GATA4: variants seen among roughly 807,000 people sequenced by gnomAD.
The protein encoded by GATA4 is GATA binding protein 4, also known as transcription factor GATA-4.
In GATA4, 7 loss-of-function variants were observed where a neutral mutation model predicts 37.9. That is an observed-to-expected ratio of 0.18 (90% confidence interval 0.11 to 0.35). GATA4 has a LOEUF of 0.35. Among genes scored for constraint, GATA4 ranks in the 10% least tolerant of loss-of-function variants. The pLI is 1.00. For missense variants in GATA4, 647 were observed against 653.0 expected, an observed-to-expected ratio of 0.99 and a Z score of 0.10; for synonymous variants, 372 against 292.6, an observed-to-expected ratio of 1.27 and a Z score of -2.77.
chr8:11,758,268 T>A (rs1802703463), intron 6 of GATA4, 25 bp from the exon 7 acceptor site: 1 of 1,613,818 alleles, frequency 6.2e-7, no homozygotes, highest in East Asian at 2.2e-5. Context: ...TCCATGGGCC[T>A]CATCGTGTGC....
rs1327833660 is a variant in GATA4 at position 11,758,722 on chromosome 8, T to C, written c.*247T>C. On this transcript the variant is annotated 3_prime_UTR_variant, in exon 7 of 7. Coordinates refer to ENST00000532059, the MANE Select transcript of GATA4 (RefSeq NM_001308093.3). Reference sequence around the variant, plus strand: ...CAGCACGAGCACACTGCATCTCTCCTGTGAGTTGGAGACTTCTTTCCCAAG... The same window carrying C: ...CAGCACGAGCACACTGCATCTCTCCCGTGAGTTGGAGACTTCTTTCCCAAG... 2 of 553,676 alleles carry C rather than the reference T, an allele frequency of 3.6e-6. No individual in the cohort carries two copies. Among genetic ancestry groups the C allele is most frequent in the Non-Finnish European group, 6.5e-6 (2 of 306,872 alleles). 34.3% of individuals were successfully genotyped at this position (553,676 alleles called of 1,614,324 possible). A position where few individuals can be genotyped will look rare whatever the true frequency, so the allele number is the denominator to read the frequency against.
At chr8:11,731,536 A>C (rs2130205669) in intron 2 of GATA4, among the ~76,000 whole-genome samples, 1 of 152,294 alleles carries the variant, frequency 6.6e-6, no homozygotes, top group African/African-American at 2.4e-5. Context: ...CAAATTCATG[A>C]CGACAGAAAG....
At chr8:11,724,029 G>T (rs1046612944) in intron 2 of GATA4, among the ~76,000 whole-genome samples, 1 of 152,128 alleles carries the variant, frequency 6.6e-6, no homozygotes, top group African/African-American at 2.4e-5. Context: ...CTCTCTGAAT[G>T]TAACTACTTT....
Position 11,707,128 on chromosome 8 carries a change from A to G in GATA4, c.-457-728A>G, listed in dbSNP as rs982842994. ...GTTATTCTGTAGAGCGGCATTGTAC[A>G]TTCTTCTCACTTTTCTGGTTCTGAT... On this transcript the variant is annotated intron_variant, in intron 1 of 6. Transcript: ENST00000532059. This position sits in a 1 kb window ranked among gnomAD's most constrained non-coding sequence, Gnocchi z 4.7. 1.3e-5 allele frequency among the ~76,000 whole-genome samples: 2 copies of G among 152,184 alleles called. No individual in the cohort carries two copies. The highest frequency in any genetic ancestry group is 4.8e-5 in the African/African-American group (2 of 41,454).
Position 11,757,067 on chromosome 8 carries a change from G to A in GATA4, c.1133G>A (p.Ser378Asn). The A allele has an allele frequency of 3.7e-6, 6 of 1,614,136 alleles. No individual in the cohort carries two copies. The highest frequency in any genetic ancestry group is 4.2e-6 in the Non-Finnish European group (5 of 1,179,992). ...GGCCTGTCATCTCACTACGGGCACA[G>A]CAGCTCCGTGTCCCAGGTACGCGCC... ...EPGLSSHYGH[S>N]SSVSQTFSVS... The change falls in exon 6 of 7, where the codon AGC becomes AAC. Residue 378 changes from serine to asparagine, a missense_variant. By Grantham distance (46) the Ser-to-Asn change is conservative (BLOSUM62 1). This residue lies in a region of GATA4 where 184 missense variants were observed against 157.1 expected (regional missense o/e 1.17). Transcript: ENST00000532059.
upstream of GATA4, chr8:11,692,142 C>A: frequency 4.8e-6 from 3 of 626,710 alleles, no homozygotes; most frequent in Non-Finnish European, 6.0e-6. Flanking sequence ...AGCCTAATGG[C>A]CTCAGGTAAC....
chr8:11,739,563 C>T (rs1433352399), intron 2 of GATA4, among the ~76,000 whole-genome samples: 1 of 151,504 alleles, frequency 6.6e-6, no homozygotes, highest in Non-Finnish European at 1.5e-5. Flanking sequence ...ATAGATAATT[C>T]TCACAGCTGA....
intron 2 of GATA4, among the ~76,000 whole-genome samples, chr8:11,726,634 C>T (rs2130177877): frequency 6.6e-6 from 1 of 152,160 alleles, no homozygotes; most frequent in South Asian, 2.1e-4. Flanking sequence ...GGGGGCGGTG[C>T]AGAGGGGTGG....
At position 11,749,994 on chromosome 8, in the gene GATA4, C is replaced by A; in HGVS notation, c.787-117C>A. ...ACAGGTCAGAGATCTCATGCAGGGT[C>A]GTTAGGGCCCAGCCCTGCCTCCCGT... On this transcript the variant is annotated intron_variant, in intron 3 of 6. Transcript: ENST00000532059. This position sits in a 1 kb window ranked among gnomAD's most constrained non-coding sequence, Gnocchi z 4.6. 7.1e-7 allele frequency: 1 copy of A among 1,404,820 alleles called. No individual in the cohort carries two copies. The allele number at this position is 1,404,820 out of a possible 1,614,324, so 87.0% of individuals were successfully genotyped here.
chr8:11,743,525 TC>T (rs1197221375), intron 2 of GATA4, among the ~76,000 whole-genome samples: 3 of 152,192 alleles, frequency 2.0e-5, no homozygotes, highest in Non-Finnish European at 4.4e-5. Flanking sequence ...CTGAGCTGTC[TC>T]CCCAGCGGCC....
chr8:11,697,258 A>G (rs879386588), intron 1 of GATA4, among the ~76,000 whole-genome samples: 2 of 152,226 alleles, frequency 1.3e-5, no homozygotes, highest in Non-Finnish European at 2.9e-5. Context: ...ACACACGCAC[A>G]GGACTAACGA....
At chr8:11,728,131 C>T (rs1007279919) in intron 2 of GATA4, among the ~76,000 whole-genome samples, 2 of 152,140 alleles carry the variant, frequency 1.3e-5, no homozygotes, top group African/African-American at 2.4e-5. Context: ...GCTGGGATTA[C>T]AGGCGCCTAC....
At chr8:11,687,738 A>T (rs1302211722), upstream of GATA4, among the ~76,000 whole-genome samples, 2 of 152,190 alleles carry the variant, frequency 1.3e-5, no homozygotes, top group African/African-American at 2.4e-5. Flanking sequence ...AAAGCCAAGA[A>T]TACAGGAGAT....
intron 2 of GATA4, among the ~76,000 whole-genome samples, chr8:11,719,962 G>A (rs546684085): frequency 2.6e-5 from 4 of 152,258 alleles, no homozygotes; most frequent in South Asian, 4.1e-4. Context: ...CCCCCAGGAC[G>A]TGTGATTTAC....
intron 1 of GATA4, chr8:11,694,547 C>A: frequency 1.0e-6 from 1 of 982,094 alleles, no homozygotes; most frequent in Non-Finnish European, 1.2e-6. Context: ...TTAGCAAGCT[C>A]TCCCAGGGTG....
rs115161018 is a variant in GATA4, at chr8:11,759,636, G to C, written c.*1161G>C. On this transcript the variant is annotated 3_prime_UTR_variant, in exon 7 of 7. Transcript: ENST00000532059. ...GAAGACGACTGCTAAGACACGGCAG[G>C]GGGGCCTGGAGGGAGCCTCCGACTC... 1,671 of 152,456 alleles carry C rather than the reference G, an allele frequency of 0.011. 26 individuals carry two copies. The highest frequency in any genetic ancestry group is 0.038 in the African/African-American group (1,576 of 41,584). 9.4% of individuals were successfully genotyped at this position (152,456 alleles called of 1,614,324 possible).
chr8:11,735,382 A>G (rs1299406774), intron 2 of GATA4, among the ~76,000 whole-genome samples: 1 of 152,238 alleles, frequency 6.6e-6, no homozygotes, highest in Non-Finnish European at 1.5e-5. Flanking sequence ...ATGGTGGGGG[A>G]ATAAACAGAA....
Position 11,728,413 on chromosome 8 carries a change from G to C in GATA4, c.616+19485G>C, listed in dbSNP as rs534902051. Among the ~76,000 whole-genome samples the C allele has an allele frequency of 3.3e-5, 5 of 152,304 alleles. No individual in the cohort carries two copies. In the South Asian group the frequency reaches 1.0e-3, roughly 32 times the overall value. ...AAACAGGGTTTTGCTCTGATGCTCA[G>C]GCTGGAGTGCGGTGCTGTGATCATA... On this transcript the variant is annotated intron_variant, in intron 2 of 6. Coordinates refer to ENST00000532059, the MANE Select transcript of GATA4 (RefSeq NM_001308093.3).
Position 11,750,256 on chromosome 8 carries a change from A to G in GATA4, c.912+20A>G, listed in dbSNP as rs550991623. The G allele has an allele frequency of 1.2e-5, 20 of 1,611,188 alleles. No individual in the cohort carries two copies. Among genetic ancestry groups the G allele is most frequent in the African/African-American group, 1.1e-4 (8 of 75,074 alleles). On this transcript the variant is annotated intron_variant, in intron 4 of 6. Coordinates refer to ENST00000532059, the MANE Select transcript of GATA4 (RefSeq NM_001308093.3). ...CACGGGGTACGTGGGTCCTGCGCCC[A>G]TGCGGCATCCTTGCCTTCTGATGCC...
Sources: gnomAD v4.1 joint callset for allele counts (sites outside exome capture counted in the v4.1 genomes callset) on GRCh38, gnomAD v4.1.1 for gene constraint, gnomAD v4.1.1 regional missense constraint, Gnocchi (gnomAD v3.1) non-coding constraint, MANE v1.5 for transcripts, NCBI Gene and HGNC (gene_info 2026-07-23, HGNC 2026-07-21) for gene names.